Variants in USP28 observed in about 807,000 individuals in gnomAD.
USP28 encodes the protein ubiquitin specific peptidase 28.
A neutral mutation model predicts 145.0 loss-of-function variants in USP28; 113 were observed. That is an observed-to-expected ratio of 0.78 (90% CI 0.67 to 0.91). The LOEUF (loss-of-function observed/expected upper bound fraction) is 0.91, where lower values mean the gene tolerates loss of function less well. Ranked by LOEUF, USP28 falls within the 40% of genes least tolerant of loss-of-function variation. USP28 has a pLI of 0.00. For missense variants in USP28, 1,201 were observed against 1,289.6 expected, an observed-to-expected ratio of 0.93 and a Z score of 1.05; for synonymous variants, 447 against 450.9, an observed-to-expected ratio of 0.99 and a Z score of 0.11.
In USP28 at chr11:113,854,646, C is replaced by T. The variant is rs142067863; in HGVS notation, c.58-311G>A. Among the ~76,000 whole-genome samples, 15 of 152,308 alleles carry T rather than the reference C, an allele frequency of 9.8e-5. No homozygotes were observed. In the East Asian group the frequency reaches 1.9e-3, roughly 20 times the overall value. ...TGATCTGCTGACCTCGTGATCCACCCGCCTAGGCCTCCCAAAGTCCGCTGG... is the reference window on the plus strand; with the variant it reads ...TGATCTGCTGACCTCGTGATCCACCTGCCTAGGCCTCCCAAAGTCCGCTGG... On this transcript the variant is annotated intron_variant, in intron 1 of 24. Transcript: ENST00000003302.
chr11:113,859,281 C>T (rs374957874), intron 1 of USP28: 1 of 152,200 alleles, frequency 6.6e-6, no homozygotes, highest in East Asian at 1.9e-4. Flanking sequence ...TATTTATCAT[C>T]AAATGACTTG....
At chr11:113,825,565 AT>A (rs1943191645) in intron 11 of USP28, among the ~76,000 whole-genome samples, 1 of 152,242 alleles carries the variant, frequency 6.6e-6, no homozygotes, top group African/African-American at 2.4e-5. Flanking sequence ...TGGCAGCTTC[AT>A]TCATAATAGC....
At chr11:113,841,717 G>A in exon 4 of USP28, 1 of 1,613,598 alleles carries the variant, frequency 6.2e-7, no homozygotes, top group East Asian at 2.2e-5. Context: ...TAGACTCAAA[G>A]CAATGGCAGC....
At chr11:113,875,137 G>C (rs958906206) in intron 1 of USP28, among the ~76,000 whole-genome samples, 1 of 152,154 alleles carries the variant, frequency 6.6e-6, no homozygotes, top group African/African-American at 2.4e-5. Flanking sequence ...CGGGGCCCAG[G>C]AGGGCTCACC....
intron 1 of USP28, among the ~76,000 whole-genome samples, chr11:113,855,376 A>C (rs1414303636): frequency 6.6e-6 from 1 of 152,216 alleles, no homozygotes. Flanking sequence ...CCAACTTGAG[A>C]CACAATGATC....
At chr11:113,874,476 C>T (rs1949173312) in intron 1 of USP28, 2 of 1,183,992 alleles carry the variant, frequency 1.7e-6, no homozygotes, top group African/African-American at 1.6e-5. Context: ...TACTACTGGC[C>T]TTCCAGACAA....
At chr11:113,814,302 T>C (rs190573325) in intron 14 of USP28, among the ~76,000 whole-genome samples, 69 of 152,276 alleles carry the variant, frequency 4.5e-4, no homozygotes, top group African/African-American at 1.5e-3. Context: ...AGGCTAAATT[T>C]CTCTGAATAG....
At chr11:113,840,673 G>C in exon 5 of USP28, 1 of 1,614,186 alleles carries the variant, frequency 6.2e-7, no homozygotes, top group Non-Finnish European at 8.5e-7. Context: ...CTCTCCTCCA[G>C]TCATTGGGAT....
At chr11:113,819,931 C>T (rs1371318723) in intron 12 of USP28, among the ~76,000 whole-genome samples, 5 of 152,100 alleles carry the variant, frequency 3.3e-5, no homozygotes, top group South Asian at 4.2e-4. Flanking sequence ...GTTGGTCAGG[C>T]GGGTCTGGAA....
intron 21 of USP28, 44 bp from the exon 23 acceptor site, chr11:113,803,921 T>C: frequency 1.3e-6 from 2 of 1,537,302 alleles, no homozygotes; most frequent in Non-Finnish European, 1.8e-6. Flanking sequence ...TCATAATAGA[T>C]TGTTAGTGTC....
intron 1 of USP28, among the ~76,000 whole-genome samples, chr11:113,874,027 G>A (rs1949094695): frequency 6.6e-6 from 1 of 151,550 alleles, no homozygotes; most frequent in South Asian, 2.1e-4. Flanking sequence ...TGTAGTCCCA[G>A]CTACTCGGGA....
At chr11:113,829,467 C>T in intron 9 of USP28, 122 bp from the exon 10 acceptor site, 1 of 1,228,556 alleles carries the variant, frequency 8.1e-7, no homozygotes, top group Non-Finnish European at 1.1e-6. Flanking sequence ...TAGAAATGCA[C>T]TTACGCCTTT....
chr11:113,846,017 C>A (rs1462185480), intron 3 of USP28, among the ~76,000 whole-genome samples: 1 of 152,128 alleles, frequency 6.6e-6, no homozygotes, highest in East Asian at 1.9e-4. Flanking sequence ...GAGTATTACT[C>A]AACCTTAAAA....
In USP28 at chr11:113,852,487, T is replaced by G. The variant is rs1368830531; in HGVS notation, c.268+14A>C. 6.2e-7 allele frequency: 1 copy of G among 1,612,404 alleles called. No homozygotes were observed. The highest frequency in any genetic ancestry group is 1.1e-5 in the South Asian group (1 of 91,074). On this transcript the variant is annotated intron_variant, in intron 3 of 24. Transcript: ENST00000003302. Reference sequence around the variant, plus strand: ...AGTTCAGCAAAGGACCAAGACAGGATATATGGTACCTACTTGCTAATACTT... The same window carrying G: ...AGTTCAGCAAAGGACCAAGACAGGAGATATGGTACCTACTTGCTAATACTT...
At chr11:113,834,056 C>A (rs1745041327) in intron 6 of USP28, among the ~76,000 whole-genome samples, 193 bp downstream of exon 6, 1 of 152,166 alleles carries the variant, frequency 6.6e-6, no homozygotes, top group South Asian at 2.1e-4. Context: ...TCATTTTACT[C>A]CTACTTAATT....
chr11:113,856,993 C>T (rs1181305938), intron 1 of USP28, among the ~76,000 whole-genome samples: 2 of 152,204 alleles, frequency 1.3e-5, no homozygotes. Context: ...TCTAAACCAG[C>T]TATCATCAGA....
At chr11:113,854,312 T>C in exon 2 of USP28, 1 of 1,614,122 alleles carries the variant, frequency 6.2e-7, no homozygotes, top group Non-Finnish European at 8.5e-7. Context: ...TTTCTCTCAG[T>C]TGATTTAACA....
At chr11:113,843,667 A>G (rs1190203710) in intron 3 of USP28, among the ~76,000 whole-genome samples, 5 of 139,336 alleles carry the variant, frequency 3.6e-5, no homozygotes, top group Non-Finnish European at 6.2e-5. Flanking sequence ...GCGAAACTCT[A>G]TCTCAAAAAA....
intron 19 of USP28, 130 bp from the exon 21 acceptor site, chr11:113,805,176 AAAC>A (rs1465814789): frequency 9.7e-6 from 8 of 822,586 alleles, no homozygotes; most frequent in Non-Finnish European, 1.4e-5. Flanking sequence ...CGAATTACAA[AAAC>A]AACTATGGAA....
Sources: allele counts gnomAD v4.1 joint callset (sites outside exome capture counted in the v4.1 genomes callset), GRCh38; gene constraint gnomAD v4.1.1; transcripts MANE v1.5; gene names NCBI Gene and HGNC (gene_info 2026-07-23, HGNC 2026-07-21).